PDCL2: variants seen among roughly 807,000 people sequenced by gnomAD.
PDCL2 encodes phosducin-like protein 2.
In PDCL2, 23 loss-of-function variants were observed where a neutral mutation model predicts 30.3. The ratio of observed to expected loss-of-function variants is 0.76; its 90% CI spans 0.55 to 1.08. The LOEUF (loss-of-function observed/expected upper bound fraction) is 1.08. Ranked by LOEUF, PDCL2 falls within the 50% of genes least tolerant of loss-of-function variation. PDCL2 has a pLI of 0.00. For synonymous variants in PDCL2, 68 were observed against 86.2 expected (o/e 0.79, Z 1.17); for missense variants, 243 against 282.3 (o/e 0.86, Z 1.00).
intron 1 of PDCL2, among the ~76,000 whole-genome samples, chr4:55,589,626 G>A (rs1050366213): frequency 6.6e-6 from 1 of 152,044 alleles, no homozygotes; most frequent in Non-Finnish European, 1.5e-5. Context: ...TCCTTTGATG[G>A]ACCAAACCCT....
At chr4:55,559,594 G>C (rs56208011) in intron 5 of PDCL2, among the ~76,000 whole-genome samples, 70 of 152,232 alleles carry the variant, frequency 4.6e-4, no homozygotes, top group African/African-American at 1.6e-3. Context: ...AAGAAGACCA[G>C]ATAGTTCTTT....
chr4:55,556,835 G>GTTT, intron 5 of PDCL2, 124 bp from the exon 6 acceptor site: 14 of 785,968 alleles, frequency 1.8e-5, no homozygotes, highest in South Asian at 9.0e-5. Flanking sequence ...TTATTTATAG[G>GTTT]TTTTTTTTTC....
chr4:55,592,110 G>T lies in PDCL2; in HGVS notation c.-1C>A. On this transcript the variant is annotated 5_prime_UTR_variant, in exon 1 of 6. Transcript: ENST00000295645. ...GGCAGGTCCCGACCCTCACCTGCAT[G>T]ATGCGCTGCTCTGCCCCTCAAGAGC... The T allele has an allele frequency of 6.2e-7, 1 of 1,609,558 alleles. No individual in the cohort carries two copies. Among genetic ancestry groups the T allele is most frequent in the East Asian group, 2.2e-5 (1 of 44,578 alleles).
intron 1 of PDCL2, among the ~76,000 whole-genome samples, chr4:55,590,351 A>C (rs544998087): frequency 1.3e-5 from 2 of 149,830 alleles, no homozygotes; most frequent in African/African-American, 4.9e-5. Context: ...GGTGGCATGC[A>C]CCTGTAGTCC....
At chr4:55,587,216 T>TAAAAAAAAAAAAAAAAAAAAAAAAAAA (rs869107656) in intron 1 of PDCL2, among the ~76,000 whole-genome samples, 2 of 62,820 alleles carry the variant, frequency 3.2e-5, no homozygotes, top group African/African-American at 1.5e-4. Context: ...GACAGAATAG[T>TAAAAAAAAAAAAAAAAAAAAAAAAAAA]AAAAAAAAAA....
At chr4:55,583,492 C>A (rs1732782102) in intron 1 of PDCL2, among the ~76,000 whole-genome samples, 1 of 152,036 alleles carries the variant, frequency 6.6e-6, no homozygotes, top group African/African-American at 2.4e-5. Flanking sequence ...CTGCTTGGAC[C>A]AATAGTGTGT....
chr4:55,575,167 G>A (rs1386384237), intron 3 of PDCL2, among the ~76,000 whole-genome samples: 1 of 152,194 alleles, frequency 6.6e-6, no homozygotes. Context: ...CCCAGTTGGT[G>A]TCCAGAAAGT....
intron 3 of PDCL2, among the ~76,000 whole-genome samples, chr4:55,576,084 G>A (rs2110162058): frequency 6.6e-6 from 1 of 151,982 alleles, no homozygotes; most frequent in South Asian, 2.1e-4. Flanking sequence ...AGCCATTATT[G>A]GAATTGGTTT....
Position 55,580,151 on chromosome 4 carries a change from GT to G in PDCL2, c.218+669del, listed in dbSNP as rs1380029862. Among the ~76,000 whole-genome samples, 3 of 152,198 alleles carry G rather than the reference GT, an allele frequency of 2.0e-5. No homozygotes were observed. In the South Asian group the frequency reaches 6.2e-4, roughly 32 times the overall value. On this transcript the variant is annotated intron_variant, in intron 3 of 5. Transcript: ENST00000295645. ...CATGAGCCACTGTGCCTGGTCCACT[GT>G]TTTTTTATTGTTAAAATGATCTTGC...
intron 1 of PDCL2, among the ~76,000 whole-genome samples, chr4:55,587,081 G>A (rs1272653350): frequency 6.6e-6 from 1 of 151,764 alleles, no homozygotes; most frequent in Non-Finnish European, 1.5e-5. Flanking sequence ...TGGAGGCTGG[G>A]AAATCTAAGA....
chr4:55,574,874 G>A (rs1329622934), intron 3 of PDCL2, among the ~76,000 whole-genome samples: 2 of 152,120 alleles, frequency 1.3e-5, no homozygotes, highest in African/African-American at 2.4e-5. Flanking sequence ...TGTGAATAAT[G>A]TTGCTATGGC....
intron 5 of PDCL2, among the ~76,000 whole-genome samples, chr4:55,558,980 T>C (rs988369690): frequency 1.3e-5 from 2 of 152,068 alleles, no homozygotes; most frequent in African/African-American, 4.8e-5. Context: ...GGACAAAGTA[T>C]ATAAACAGGA....
chr4:55,574,752 T>G (rs1249831012), intron 3 of PDCL2, among the ~76,000 whole-genome samples: 4 of 152,246 alleles, frequency 2.6e-5, no homozygotes, highest in Non-Finnish European at 5.9e-5. Context: ...CCCTAGCATG[T>G]TTTCATCCAT....
At chr4:55,558,730 C>A (rs961399068) in intron 5 of PDCL2, among the ~76,000 whole-genome samples, 1 of 151,992 alleles carries the variant, frequency 6.6e-6, no homozygotes, top group African/African-American at 2.4e-5. Context: ...AAAGAAAGCA[C>A]GAAACATGCA....
chr4:55,559,822 C>T (rs1552523), intron 5 of PDCL2, among the ~76,000 whole-genome samples: 3,165 of 152,254 alleles, frequency 0.021, 104 homozygotes, highest in African/African-American at 0.071. Context: ...TGATAACATG[C>T]TACCACATGG....
Position 55,592,194 on chromosome 4 carries a change from C to T in PDCL2, c.-85G>A, listed in dbSNP as rs1176023425. ...ATGGAGACCCGCAGCCTTCTCCAGGCTGGAAGAGCGCCCGCTTCAGGCCCG... is the reference window on the plus strand; with the variant it reads ...ATGGAGACCCGCAGCCTTCTCCAGGTTGGAAGAGCGCCCGCTTCAGGCCCG... On this transcript the variant is annotated 5_prime_UTR_variant, in exon 1 of 6. Coordinates refer to ENST00000295645, the MANE Select transcript of PDCL2 (RefSeq NM_152401.3). 8 of 1,567,412 alleles carry T rather than the reference C, an allele frequency of 5.1e-6. No homozygotes were observed. In the East Asian group the frequency reaches 1.4e-4, roughly 28 times the overall value.
chr4:55,580,924 A>G lies in PDCL2; in HGVS notation c.128-13T>C. The G allele has an allele frequency of 6.4e-7, 1 of 1,572,678 alleles. No homozygotes were observed. Among genetic ancestry groups the G allele is most frequent in the Non-Finnish European group, 8.6e-7 (1 of 1,162,724 alleles). ...TCAAATGGTTTCACTAAAACAACAT[A>G]AATTATAGATTATCAAATTGTTTAA... On this transcript the variant is annotated splice_polypyrimidine_tract_variant and intron_variant, in intron 2 of 5. Transcript: ENST00000295645.
chr4:55,592,240 G>T lies in PDCL2; in HGVS notation c.-131C>A. 1.5e-6 allele frequency: 2 copies of T among 1,353,994 alleles called. No individual in the cohort carries two copies. Among genetic ancestry groups the T allele is most frequent in the Non-Finnish European group, 1.0e-6 (1 of 984,500 alleles). The allele number at this position is 1,353,994 out of a possible 1,614,324, so 83.9% of individuals were successfully genotyped here. On this transcript the variant is annotated 5_prime_UTR_variant, in exon 1 of 6. In the 5' UTR this introduces an upstream ATG that the reference lacks. Transcript: ENST00000295645. ...GCCCGGCGGTTTCGAGTGACCGCCA[G>T]AAGAGGGAGAGGCGAACAAGGACTT...
chr4:55,578,192 CAGTGGG>C, intron 3 of PDCL2, among the ~76,000 whole-genome samples: 1 of 152,154 alleles, frequency 6.6e-6, no homozygotes. Flanking sequence ...CTGCCTGAGC[CAGTGGG>C]AGTTCACACA....
Sources: gnomAD v4.1 joint callset for allele counts (sites outside exome capture counted in the v4.1 genomes callset) on GRCh38, gnomAD v4.1.1 for gene constraint, MANE v1.5 for transcripts, NCBI Gene and HGNC (gene_info 2026-07-23, HGNC 2026-07-21) for gene names.